Variants in KCNH7 observed in about 807,000 individuals in gnomAD.
KCNH7 encodes the protein voltage-gated inwardly rectifying potassium channel KCNH7.
Under a neutral mutation model 120.8 loss-of-function variants are expected in KCNH7, and 49 were observed. That is an observed-to-expected ratio of 0.41 (90% CI 0.32 to 0.51). KCNH7 has a LOEUF of 0.51. Ranked by LOEUF, KCNH7 falls within the 20% of genes least tolerant of loss-of-function variation. The pLI is 0.38. For synonymous variants in KCNH7, 547 were observed against 516.1 expected (o/e 1.06, Z -0.81); for missense variants, 1,097 against 1,446.6 (o/e 0.76, Z 3.92).
chr2:162,631,926 C>T (rs1386844165), intron 2 of KCNH7, among the ~76,000 whole-genome samples: 1 of 151,736 alleles, frequency 6.6e-6, no homozygotes, highest in African/African-American at 2.4e-5. Context: ...AAACCCACGC[C>T]GAAAAGAATC....
intron 11 of KCNH7, among the ~76,000 whole-genome samples, chr2:162,395,795 T>C (rs1317575992): frequency 1.3e-5 from 2 of 151,794 alleles, no homozygotes; most frequent in Non-Finnish European, 2.9e-5. Context: ...CCTCTTTCTC[T>C]TTTAAGCCTC....
chr2:162,786,673 C>T (rs62171410), intron 2 of KCNH7, among the ~76,000 whole-genome samples: 8,131 of 152,240 alleles, frequency 0.053, 309 homozygotes, highest in South Asian at 0.11. Context: ...TGCTGTCTAA[C>T]ACAAGCATGC....
intron 2 of KCNH7, among the ~76,000 whole-genome samples, chr2:162,682,718 C>T (rs1011507857): frequency 2.6e-5 from 4 of 151,762 alleles, no homozygotes; most frequent in Non-Finnish European, 4.4e-5. Flanking sequence ...ACAGTAATCG[C>T]TGTTGTAATC....
chr2:162,444,511 T>C (rs1688522386), intron 7 of KCNH7, among the ~76,000 whole-genome samples: 1 of 152,144 alleles, frequency 6.6e-6, no homozygotes, highest in African/African-American at 2.4e-5. Context: ...GCAGCAGTAC[T>C]AGATTTTAAT....
At chr2:162,419,548 G>C (rs939580810) in intron 9 of KCNH7, among the ~76,000 whole-genome samples, 81 of 152,042 alleles carry the variant, frequency 5.3e-4, no homozygotes, top group African/African-American at 1.6e-3. Context: ...TAGTTTTTAG[G>C]TCTTCTGAAT....
At chr2:162,809,416 C>T (rs1372391155) in intron 2 of KCNH7, among the ~76,000 whole-genome samples, 1 of 152,144 alleles carries the variant, frequency 6.6e-6, no homozygotes, top group African/African-American at 2.4e-5. Flanking sequence ...ATCAGAATGA[C>T]ATTTTAGAAA....
intron 2 of KCNH7, among the ~76,000 whole-genome samples, chr2:162,732,354 C>T (rs12998284): frequency 0.021 from 3,242 of 152,016 alleles, 72 homozygotes; most frequent in East Asian, 0.11. Flanking sequence ...AAAAGGAAAC[C>T]GAAAGTAAGT....
intron 9 of KCNH7, among the ~76,000 whole-genome samples, chr2:162,411,823 G>C (rs972831868): frequency 6.0e-5 from 9 of 151,150 alleles, no homozygotes; most frequent in Non-Finnish European, 1.0e-4. Context: ...GGAAATTCTA[G>C]TGAATCAAAA....
At chr2:162,484,227 A>G (rs1198547473) in intron 6 of KCNH7, among the ~76,000 whole-genome samples, 1 of 149,960 alleles carries the variant, frequency 6.7e-6, no homozygotes, top group Non-Finnish European at 1.5e-5. Context: ...TTCAACACAC[A>G]CACACACACA....
At chr2:162,482,628 T>G (rs1009709276) in intron 6 of KCNH7, among the ~76,000 whole-genome samples, 2 of 152,182 alleles carry the variant, frequency 1.3e-5, no homozygotes, top group African/African-American at 4.8e-5. Flanking sequence ...AGTTTACTGG[T>G]TGAACCAGAA....
intron 8 of KCNH7, among the ~76,000 whole-genome samples, chr2:162,430,105 T>C (rs971558947): frequency 9.2e-5 from 14 of 151,976 alleles, no homozygotes; most frequent in Non-Finnish European, 1.6e-4. Context: ...GATCTGCTTG[T>C]TCCTTTTGAA....
chr2:162,798,472 T>C (rs142968746), intron 2 of KCNH7, among the ~76,000 whole-genome samples: 1 of 152,086 alleles, frequency 6.6e-6, no homozygotes, highest in Non-Finnish European at 1.5e-5. Context: ...ATTTTCTACA[T>C]ATTAGGTGAC....
chr2:162,547,171 G>A (rs988009040), intron 2 of KCNH7, among the ~76,000 whole-genome samples: 2 of 152,122 alleles, frequency 1.3e-5, no homozygotes, highest in Admixed American at 6.5e-5. Flanking sequence ...ATCAGATCTT[G>A]TGAGAATTCA....
chr2:162,415,676 A>C (rs2105474574), intron 9 of KCNH7, among the ~76,000 whole-genome samples: 1 of 152,280 alleles, frequency 6.6e-6, no homozygotes, highest in Non-Finnish European at 1.5e-5. Context: ...CCAATCATTA[A>C]TGTTTAATAA....
At chr2:162,645,660 C>T (rs568237541) in intron 2 of KCNH7, among the ~76,000 whole-genome samples, 1 of 152,110 alleles carries the variant, frequency 6.6e-6, no homozygotes, top group Non-Finnish European at 1.5e-5. Flanking sequence ...ATGTGTATTT[C>T]TCCCCTACTT....
intron 2 of KCNH7, among the ~76,000 whole-genome samples, chr2:162,544,825 C>T (rs1427367541): frequency 6.6e-6 from 1 of 152,114 alleles, no homozygotes; most frequent in African/African-American, 2.4e-5. Context: ...TTAATCTATT[C>T]AGTCCTACAT....
At chr2:162,620,348 C>T (rs1332340698) in intron 2 of KCNH7, among the ~76,000 whole-genome samples, 3 of 151,854 alleles carry the variant, frequency 2.0e-5, no homozygotes, top group Non-Finnish European at 4.4e-5. Context: ...CAAATGTCAT[C>T]TTGGCCCAGA....
At chr2:162,485,424 G>C (rs571372293) in intron 6 of KCNH7, among the ~76,000 whole-genome samples, 4 of 152,246 alleles carry the variant, frequency 2.6e-5, no homozygotes, top group Admixed American at 2.6e-4. Flanking sequence ...GTTATGTAAA[G>C]TGGAAAGAAG....
chr2:162,374,098 T>TAATATA, intron 14 of KCNH7, among the ~76,000 whole-genome samples: 1 of 152,242 alleles, frequency 6.6e-6, no homozygotes, highest in Non-Finnish European at 1.5e-5. Context: ...GATAATTTCT[T>TAATATA]ATGTGTTTTT....
Sources: allele counts gnomAD v4.1 joint callset (sites outside exome capture counted in the v4.1 genomes callset), GRCh38; gene constraint gnomAD v4.1.1; transcripts MANE v1.5; gene names NCBI Gene and HGNC (gene_info 2026-07-23, HGNC 2026-07-21).